The following AGAP1 variants were observed in gnomAD, a reference collection of about 807,000 sequenced individuals.
AGAP1 encodes ArfGAP with GTPase domain, ankyrin repeat and PH domain 1, also known as arf-GAP with GTPase, ANK repeat and PH domain-containing protein 1.
In AGAP1, 29 loss-of-function variants were observed where a neutral mutation model predicts 105.3. The ratio of observed to expected loss-of-function variants is 0.28; its 90% CI spans 0.21 to 0.38. The LOEUF (loss-of-function observed/expected upper bound fraction) is 0.38. Ranked by LOEUF, AGAP1 falls within the 10% of genes least tolerant of loss-of-function variation. The probability of loss-of-function intolerance (pLI) is 1.00; values close to 1 mark genes in which losing one functional copy is unlikely to be tolerated. For synonymous variants in AGAP1, 509 were observed against 485.9 expected, an observed-to-expected ratio of 1.05 and a Z score of -0.63; for missense variants, 998 against 1,165.1, an observed-to-expected ratio of 0.86 and a Z score of 2.09.
chr2:235,773,823 T>C, intron 6 of AGAP1: 1 of 412,092 alleles, frequency 2.4e-6, no homozygotes, highest in African/African-American at 2.1e-5. Context: ...TGTTTTCCTT[T>C]ACTGTCCTTG....
chr2:235,987,387 CTCT>C (rs928289305), intron 13 of AGAP1, among the ~76,000 whole-genome samples: 13 of 150,826 alleles, frequency 8.6e-5, no homozygotes, highest in African/African-American at 2.9e-4. Context: ...TGATTTTTCT[CTCT>C]TCTTCTTTAT....
Position 235,971,994 on chromosome 2 carries a change from G to T in AGAP1, c.1645+3371G>T, listed in dbSNP as rs1462991709. On this transcript the variant is annotated intron_variant, in intron 13 of 17. Coordinates refer to ENST00000304032, the MANE Select transcript of AGAP1 (RefSeq NM_001037131.3). This position sits in a 1 kb window ranked among gnomAD's most constrained non-coding sequence, Gnocchi z 4.8. ...GAGTTTCACTCTTTTGCCCAGGCTG[G>T]TCTTGAACTCCTGGGCTCAAGCAAT... 6.6e-6 allele frequency among the ~76,000 whole-genome samples: 1 copy of T among 152,010 alleles called. No homozygotes were observed. The highest frequency in any genetic ancestry group is 1.5e-5 in the Non-Finnish European group (1 of 68,006).
chr2:235,706,685 C>G (rs1052984326), intron 1 of AGAP1, among the ~76,000 whole-genome samples: 5 of 152,198 alleles, frequency 3.3e-5, no homozygotes, highest in Non-Finnish European at 7.3e-5. Context: ...ACTGGTTTTA[C>G]TATTCCATGA....
At chr2:235,634,906 C>A (rs533215968) in intron 1 of AGAP1, among the ~76,000 whole-genome samples, 85 of 152,204 alleles carry the variant, frequency 5.6e-4, no homozygotes, top group Non-Finnish European at 9.7e-4. Context: ...TGTGTTTGTT[C>A]CATGTACGAG....
chr2:236,099,881 A>C (rs2059303455), intron 16 of AGAP1, among the ~76,000 whole-genome samples: 1 of 152,112 alleles, frequency 6.6e-6, no homozygotes, highest in South Asian at 2.1e-4. Flanking sequence ...CTCTACTAAA[A>C]ATACAAAAAT....
At chr2:235,885,873 T>C (rs1237441870) in intron 10 of AGAP1, among the ~76,000 whole-genome samples, 1 of 152,214 alleles carries the variant, frequency 6.6e-6, no homozygotes, top group African/African-American at 2.4e-5. Context: ...ATAGATATTC[T>C]TTATTGCAGT....
At chr2:235,770,300 A>T (rs898201187) in intron 6 of AGAP1, among the ~76,000 whole-genome samples, 9 of 151,462 alleles carry the variant, frequency 5.9e-5, no homozygotes, top group African/African-American at 1.9e-4. Flanking sequence ...ACGCCTGGCT[A>T]ATTTTTTTTG....
chr2:235,689,239 C>G lies in AGAP1; in HGVS notation c.164-19940C>G, dbSNP rs1949621310. 1.3e-5 allele frequency among the ~76,000 whole-genome samples: 2 copies of G among 152,150 alleles called. No individual in the cohort carries two copies. The highest frequency in any genetic ancestry group is 2.9e-5 in the Non-Finnish European group (2 of 68,042). ...CTTGGACACTCTTCATTCGCTAGCA[C>G]CGAGATGGTTCAGGGCACTTTGGAG... On this transcript the variant is annotated intron_variant, in intron 1 of 17. Transcript: ENST00000304032. The surrounding 1 kb of genome is among the most constrained non-coding windows in gnomAD (Gnocchi z 4.2).
intron 1 of AGAP1, among the ~76,000 whole-genome samples, chr2:235,540,138 CCTCT>C (rs926878998): frequency 2.0e-5 from 3 of 150,982 alleles, no homozygotes; most frequent in Non-Finnish European, 4.4e-5. Flanking sequence ...TCTCTCCCTC[CCTCT>C]CTCCTCTTTT....
chr2:235,983,360 A>G lies in AGAP1; in HGVS notation c.1645+14737A>G, dbSNP rs1043376891. ...GTTCAGCTCCTCCTCTCCAGCACCA[A>G]CCTCCCATCACTTTCTACATTCTGG... On this transcript the variant is annotated intron_variant, in intron 13 of 17. Coordinates refer to ENST00000304032, the MANE Select transcript of AGAP1 (RefSeq NM_001037131.3). This position sits in a 1 kb window ranked among gnomAD's most constrained non-coding sequence, Gnocchi z 4.5. Among the ~76,000 whole-genome samples the G allele has an allele frequency of 2.6e-5, 4 of 151,410 alleles. No homozygotes were observed. The highest frequency in any genetic ancestry group is 9.7e-5 in the African/African-American group (4 of 41,154).
At position 235,958,361 on chromosome 2, in the gene AGAP1, G is replaced by T. The variant is rs537091875; in HGVS notation, c.1484-10101G>T. ...CTGCTAACGGCAGCAGTAACAGCGG[G>T]AGTCCTTGCAGCAGGGAGGCTTGCA... On this transcript the variant is annotated intron_variant, in intron 12 of 17. Coordinates refer to ENST00000304032, the MANE Select transcript of AGAP1 (RefSeq NM_001037131.3). The surrounding 1 kb of genome is among the most constrained non-coding windows in gnomAD (Gnocchi z 4.1). 2.0e-5 allele frequency among the ~76,000 whole-genome samples: 3 copies of T among 152,198 alleles called. No individual in the cohort carries two copies. The South Asian group carries it at 6.2e-4, about 32-fold the overall frequency.
chr2:235,594,181 A>G (rs569081201), intron 1 of AGAP1, among the ~76,000 whole-genome samples: 4 of 152,274 alleles, frequency 2.6e-5, no homozygotes, highest in Non-Finnish European at 4.4e-5. Context: ...TTAGTACTTC[A>G]GCTTCTTACT....
chr2:235,706,396 T>C (rs1441899825), intron 1 of AGAP1, among the ~76,000 whole-genome samples: 1 of 151,646 alleles, frequency 6.6e-6, no homozygotes, highest in East Asian at 1.9e-4. Flanking sequence ...GGCTAATTTT[T>C]TTTTGTATTT....
chr2:236,122,629 G>C (rs888969729), intron 17 of AGAP1, among the ~76,000 whole-genome samples: 2 of 150,642 alleles, frequency 1.3e-5, no homozygotes, highest in Non-Finnish European at 2.9e-5. Context: ...CAGATCCTAA[G>C]AAAGATTCTA....
chr2:235,741,603 A>G lies in AGAP1; in HGVS notation c.396+555A>G, dbSNP rs1952587220. 6.6e-6 allele frequency among the ~76,000 whole-genome samples: 1 copy of G among 152,230 alleles called. No homozygotes were observed. The highest frequency in any genetic ancestry group is 1.5e-5 in the Non-Finnish European group (1 of 68,042). On this transcript the variant is annotated intron_variant, in intron 4 of 17. Transcript: ENST00000304032. This position sits in a 1 kb window ranked among gnomAD's most constrained non-coding sequence, Gnocchi z 4.9. ...CTGGAAAGATGGTCATTCTGGAAATAACAAAACATGAGTGTGGAAGATCTC... is the reference window on the plus strand; with the variant it reads ...CTGGAAAGATGGTCATTCTGGAAATGACAAAACATGAGTGTGGAAGATCTC...
Position 236,121,414 on chromosome 2 carries a change from C to CT in AGAP1, c.2370+967_2370+968insT, listed in dbSNP as rs2059894271. ...CTCCCAGGTTCAAGCAATTCTCCTGCCTCAGCCTCCCAGGAAGCTGGGATT... is the reference window on the plus strand; with the variant it reads ...CTCCCAGGTTCAAGCAATTCTCCTGCTCTCAGCCTCCCAGGAAGCTGGGATT... On this transcript the variant is annotated intron_variant, in intron 17 of 17. Coordinates refer to ENST00000304032, the MANE Select transcript of AGAP1 (RefSeq NM_001037131.3). This position sits in a 1 kb window ranked among gnomAD's most constrained non-coding sequence, Gnocchi z 4.9. Among the ~76,000 whole-genome samples the CT allele has an allele frequency of 6.6e-6, 1 of 152,168 alleles. No individual in the cohort carries two copies. The highest frequency in any genetic ancestry group is 1.5e-5 in the Non-Finnish European group (1 of 68,020).
Position 236,027,683 on chromosome 2 carries a change from C to T in AGAP1, c.1646-8878C>T, listed in dbSNP as rs1404868824. Among the ~76,000 whole-genome samples the T allele has an allele frequency of 6.6e-6, 1 of 152,218 alleles. No homozygotes were observed. The highest frequency in any genetic ancestry group is 2.4e-5 in the African/African-American group (1 of 41,536). On this transcript the variant is annotated intron_variant, in intron 13 of 17. Transcript: ENST00000304032. This position sits in a 1 kb window ranked among gnomAD's most constrained non-coding sequence, Gnocchi z 4.4. ...GAGCTGATGCTGGACCCCGCATTGA[C>T]GAGACAGAGGGGGCCATCTTGTGCT...
chr2:235,956,619 T>C lies in AGAP1; in HGVS notation c.1484-11843T>C, dbSNP rs114336105. The stretch of plus-strand genomic sequence containing the variant: ...GAGGAGAGAGCAGAGGAGTATGACC[T>C]GGGAGGCGAGAACACAGAGAAGCTT... On this transcript the variant is annotated intron_variant, in intron 12 of 17. Coordinates refer to ENST00000304032, the MANE Select transcript of AGAP1 (RefSeq NM_001037131.3). Among the ~76,000 whole-genome samples, 443 of 152,270 alleles carry C rather than the reference T, an allele frequency of 2.9e-3. 1 individual carries two copies. Among genetic ancestry groups the C allele is most frequent in the Non-Finnish European group, 4.9e-3 (330 of 68,030 alleles).
chr2:235,744,201 T>C lies in AGAP1; in HGVS notation c.397-497T>C, dbSNP rs987989598. On this transcript the variant is annotated intron_variant, in intron 4 of 17. Coordinates refer to ENST00000304032, the MANE Select transcript of AGAP1 (RefSeq NM_001037131.3). This position sits in a 1 kb window ranked among gnomAD's most constrained non-coding sequence, Gnocchi z 5.2. ...GTTGAATCTTTACCCTTCAACAGAG[T>C]AGGCCAGCCGCTGCGGTAGCGAGTG... Among the ~76,000 whole-genome samples, 1 of 151,986 alleles carries C rather than the reference T, an allele frequency of 6.6e-6. No homozygotes were observed. The highest frequency in any genetic ancestry group is 1.5e-5 in the Non-Finnish European group (1 of 68,012).
Sources: allele counts gnomAD v4.1 joint callset (sites outside exome capture counted in the v4.1 genomes callset), GRCh38; gene constraint gnomAD v4.1.1; non-coding constraint Gnocchi (gnomAD v3.1); transcripts MANE v1.5; gene names NCBI Gene and HGNC (gene_info 2026-07-23, HGNC 2026-07-21).